Variants in GRM5 observed in about 807,000 individuals in gnomAD.
GRM5 encodes the protein glutamate metabotropic receptor 5.
Under a neutral mutation model 83.1 loss-of-function variants are expected in GRM5, and 19 were observed. That is an observed-to-expected ratio of 0.23 (90% CI 0.16 to 0.34). The LOEUF is 0.34. Among genes scored for constraint, GRM5 ranks in the 10% least tolerant of loss-of-function variants. GRM5 has a pLI of 1.00. For synonymous variants in GRM5, 675 were observed against 633.6 expected (o/e 1.07, Z -0.98); for missense variants, 1,160 against 1,588.3 (o/e 0.73, Z 4.58).
intron 2 of GRM5, among the ~76,000 whole-genome samples, chr11:89,021,607 G>A (rs769870206): frequency 5.9e-5 from 9 of 152,264 alleles, no homozygotes; most frequent in Non-Finnish European, 1.3e-4. Context: ...TCAAATTCCC[G>A]TGATCCCTTG....
intron 3 of GRM5, among the ~76,000 whole-genome samples, chr11:88,707,720 G>C (rs1221726539): frequency 2.6e-5 from 4 of 152,044 alleles, no homozygotes; most frequent in African/African-American, 9.7e-5. Flanking sequence ...AATGAAAAGT[G>C]TTACTTTCCA....
chr11:88,738,386 A>AAAT (rs1300344737), intron 3 of GRM5, among the ~76,000 whole-genome samples: 2 of 152,194 alleles, frequency 1.3e-5, no homozygotes, highest in East Asian at 3.9e-4. Flanking sequence ...TGTTATAATT[A>AAAT]AATATGTATA....
intron 2 of GRM5, among the ~76,000 whole-genome samples, chr11:88,950,351 AGTGTGTGT>A (rs55646353): frequency 5.4e-5 from 8 of 147,492 alleles, no homozygotes; most frequent in South Asian, 2.2e-4. Context: ...TTGTGAGATA[AGTGTGTGT>A]GTGTGTGTGT....
chr11:88,694,775 G>T (rs1940862180), intron 3 of GRM5, among the ~76,000 whole-genome samples: 1 of 152,064 alleles, frequency 6.6e-6, no homozygotes, highest in South Asian at 2.1e-4. Context: ...ATATAGATAT[G>T]ATTGCTTATG....
chr11:88,970,413 C>A lies in GRM5; in HGVS notation c.661+76799G>T, dbSNP rs184901184. On this transcript the variant is annotated intron_variant, in intron 2 of 9. Coordinates refer to ENST00000305447, the MANE Select transcript of GRM5 (RefSeq NM_001143831.3). ...GAAGGAGATATAGCTTCTTCTTAAACGTCTTTGTCTGGAAATGGCACATAT... is the reference window on the plus strand; with the variant it reads ...GAAGGAGATATAGCTTCTTCTTAAAAGTCTTTGTCTGGAAATGGCACATAT... Among the ~76,000 whole-genome samples the A allele has an allele frequency of 2.2e-3, 336 of 152,186 alleles. 2 individuals are homozygous for A. The highest frequency in any genetic ancestry group is 7.8e-3 in the African/African-American group (323 of 41,530).
chr11:88,657,532 A>G (rs1047599577), intron 3 of GRM5, among the ~76,000 whole-genome samples: 7 of 152,156 alleles, frequency 4.6e-5, no homozygotes. Flanking sequence ...AGGACATGCT[A>G]ATCTACAGAG....
At chr11:89,061,153 A>C (rs1941983794) in intron 1 of GRM5, among the ~76,000 whole-genome samples, 1 of 152,158 alleles carries the variant, frequency 6.6e-6, no homozygotes, top group Non-Finnish European at 1.5e-5. Flanking sequence ...TGATCTATCT[A>C]TCTATATCGA....
intron 3 of GRM5, among the ~76,000 whole-genome samples, chr11:88,727,086 T>G (rs899268177): frequency 6.6e-6 from 1 of 152,050 alleles, no homozygotes; most frequent in Non-Finnish European, 1.5e-5. Context: ...TTAAAAGACA[T>G]AGTCAGGCAA....
At chr11:88,531,199 C>T (rs1378388993) in intron 8 of GRM5, among the ~76,000 whole-genome samples, 1 of 151,938 alleles carries the variant, frequency 6.6e-6, no homozygotes, top group Admixed American at 6.6e-5. Flanking sequence ...CTGTGAAACA[C>T]GTGATATGGA....
At chr11:88,970,990 G>T (rs188077942) in intron 2 of GRM5, among the ~76,000 whole-genome samples, 1 of 152,068 alleles carries the variant, frequency 6.6e-6, no homozygotes, top group African/African-American at 2.4e-5. Context: ...ACCCAATATG[G>T]ATGTGAGTCA....
chr11:88,698,518 C>A (rs529143601), intron 3 of GRM5, among the ~76,000 whole-genome samples: 2 of 152,184 alleles, frequency 1.3e-5, no homozygotes, highest in East Asian at 3.9e-4. Context: ...AACTTGTTAC[C>A]TTGCTAGCAC....
In GRM5 at chr11:88,567,512, G is replaced by T; in HGVS notation, c.2171C>A (p.Pro724Gln). ...MEPPDIMHDY[P>Q]SIREVYLICN... The stretch of plus-strand genomic sequence containing the variant: ...GATCAGGTAGACTTCTCGAATGCTT[G>T]GGTAGTCATGCATTATGTCAGGAGG... Residue 724 changes from proline to glutamine, a missense_variant, in exon 8 of 10, where the codon CCA (proline) becomes CAA (glutamine). By Grantham distance (76) the Pro-to-Gln change is moderately conservative. Around this residue, in one of 9 missense-constraint regions of GRM5, gnomAD observed 44 missense variants for 41.0 expected, o/e 1.07. Coordinates refer to ENST00000305447, the MANE Select transcript of GRM5 (RefSeq NM_001143831.3). This position sits in a 1 kb window ranked among gnomAD's most constrained non-coding sequence, Gnocchi z 7.3. The T allele has an allele frequency of 6.2e-7, 1 of 1,613,858 alleles. No individual in the cohort carries two copies. The highest frequency in any genetic ancestry group is 8.5e-7 in the Non-Finnish European group (1 of 1,179,758).
chr11:88,834,099 T>G (rs372995986), intron 3 of GRM5, among the ~76,000 whole-genome samples: 1 of 152,132 alleles, frequency 6.6e-6, no homozygotes, highest in East Asian at 1.9e-4. Flanking sequence ...TTCTAAAATA[T>G]CTATAAGAGA....
rs181293601 is a variant in GRM5 at position 88,640,533 on chromosome 11, T to G, written c.1147+12635A>C. 1.4e-4 allele frequency among the ~76,000 whole-genome samples: 22 copies of G among 152,258 alleles called. No individual in the cohort carries two copies. The East Asian group carries it at 3.7e-3, about 25-fold the overall frequency. ...CAATTAAATTCTGATACTATCTACTTGGAGATGGCATCAGATCCCACAGGT... is the reference window on the plus strand; with the variant it reads ...CAATTAAATTCTGATACTATCTACTGGGAGATGGCATCAGATCCCACAGGT... On this transcript the variant is annotated intron_variant, in intron 4 of 9. Transcript: ENST00000305447.
At chr11:88,803,544 A>G (rs1440795947) in intron 3 of GRM5, among the ~76,000 whole-genome samples, 3 of 152,234 alleles carry the variant, frequency 2.0e-5, no homozygotes, top group Non-Finnish European at 4.4e-5. Flanking sequence ...TTCAAGATGG[A>G]TTAAAGACTT....
intron 4 of GRM5, among the ~76,000 whole-genome samples, chr11:88,626,000 G>A (rs772862792): frequency 6.7e-5 from 10 of 148,902 alleles, no homozygotes; most frequent in Admixed American, 5.3e-4. Context: ...CACATATAGA[G>A]CAGGTCTTAA....
chr11:88,580,518 A>G (rs111713162), intron 7 of GRM5, among the ~76,000 whole-genome samples: 73 of 152,350 alleles, frequency 4.8e-4, no homozygotes, highest in African/African-American at 1.6e-3. Flanking sequence ...CCAGTGAGGA[A>G]AATATCAAAA....
chr11:88,984,423 A>C (rs567687), intron 2 of GRM5, among the ~76,000 whole-genome samples: 1 of 152,136 alleles, frequency 6.6e-6, no homozygotes, highest in African/African-American at 2.4e-5. Context: ...ACCACATAGC[A>C]CAAGTGTAGC....
At chr11:88,874,032 A>C (rs1944810959) in intron 2 of GRM5, among the ~76,000 whole-genome samples, 1 of 151,884 alleles carries the variant, frequency 6.6e-6, no homozygotes, top group Admixed American at 6.6e-5. Flanking sequence ...GAAGACACAG[A>C]AAAACTGAAC....
Sources: gnomAD v4.1 joint callset for allele counts (sites outside exome capture counted in the v4.1 genomes callset) on GRCh38, gnomAD v4.1.1 for gene constraint, gnomAD v4.1.1 regional missense constraint, Gnocchi (gnomAD v3.1) non-coding constraint, MANE v1.5 for transcripts, NCBI Gene and HGNC (gene_info 2026-07-23, HGNC 2026-07-21) for gene names.